GPC5: variants seen among roughly 807,000 people sequenced by gnomAD.
GPC5 encodes glypican-5.
In GPC5, 47 loss-of-function variants were observed where a neutral mutation model predicts 53.9. The observed-to-expected ratio is 0.87, with a 90% CI of 0.69 to 1.11. GPC5 has a LOEUF of 1.11. Ranked by LOEUF, GPC5 falls within the 50% of genes most tolerant of loss-of-function variation. The pLI is 0.00. For missense variants in GPC5, 748 were observed against 713.1 expected, an observed-to-expected ratio of 1.05 and a Z score of -0.56; for synonymous variants, 286 against 263.3, an observed-to-expected ratio of 1.09 and a Z score of -0.84.
chr13:92,824,188 C>T (rs1490695326), intron 7 of GPC5, among the ~76,000 whole-genome samples: 5 of 152,018 alleles, frequency 3.3e-5, no homozygotes, highest in Admixed American at 2.6e-4. Context: ...TCATCTTACA[C>T]CAGTCTACAC....
At chr13:91,977,406 G>A (rs2040313624) in intron 6 of GPC5, among the ~76,000 whole-genome samples, 1 of 152,264 alleles carries the variant, frequency 6.6e-6, no homozygotes, top group Non-Finnish European at 1.5e-5. Flanking sequence ...AGCAATTGAA[G>A]ACACCCTTTT....
chr13:92,244,671 C>A (rs983120385), intron 7 of GPC5, among the ~76,000 whole-genome samples: 2 of 152,132 alleles, frequency 1.3e-5, no homozygotes, highest in African/African-American at 2.4e-5. Context: ...TGCATTTATA[C>A]ATGTAACATT....
intron 2 of GPC5, among the ~76,000 whole-genome samples, chr13:91,624,034 A>G (rs1317793748): frequency 1.3e-5 from 2 of 152,166 alleles, no homozygotes; most frequent in East Asian, 3.9e-4. Context: ...AACGAAGAGC[A>G]AGCAAATGAG....
intron 6 of GPC5, among the ~76,000 whole-genome samples, chr13:92,009,186 T>A (rs1377381739): frequency 6.6e-6 from 1 of 152,070 alleles, no homozygotes. Context: ...TTTCTTCTTC[T>A]TGGCATATAC....
At chr13:92,167,241 T>C (rs946852715) in intron 7 of GPC5, among the ~76,000 whole-genome samples, 2 of 152,146 alleles carry the variant, frequency 1.3e-5, no homozygotes, top group Non-Finnish European at 2.9e-5. Context: ...CTGTAGGCTA[T>C]AGCAAGTTAT....
chr13:92,192,524 C>A (rs866263029), intron 7 of GPC5, among the ~76,000 whole-genome samples: 1 of 151,938 alleles, frequency 6.6e-6, no homozygotes, highest in South Asian at 2.1e-4. Context: ...TTTCACATTT[C>A]TTTCTTCTAA....
intron 6 of GPC5, among the ~76,000 whole-genome samples, chr13:92,037,441 A>G (rs780740730): frequency 6.6e-5 from 10 of 152,142 alleles, no homozygotes; most frequent in Non-Finnish European, 1.5e-4. Context: ...TTTATTTAAC[A>G]TGAACCTTGT....
chr13:91,921,143 G>A (rs2039709857), intron 6 of GPC5, among the ~76,000 whole-genome samples: 1 of 151,636 alleles, frequency 6.6e-6, no homozygotes, highest in Non-Finnish European at 1.5e-5. Context: ...CACTGTGTTG[G>A]CCAGGCTGGT....
intron 1 of GPC5, among the ~76,000 whole-genome samples, chr13:91,432,211 G>GCTGCTGCTGC (rs1231375785): frequency 9.9e-5 from 12 of 121,600 alleles, no homozygotes; most frequent in African/African-American, 3.6e-4. Flanking sequence ...TGCTGTGTGT[G>GCTGCTGCTGC]TGTGTGTGTG....
chr13:91,912,097 A>G (rs2039615379), intron 6 of GPC5, among the ~76,000 whole-genome samples: 1 of 152,220 alleles, frequency 6.6e-6, no homozygotes, highest in Non-Finnish European at 1.5e-5. Flanking sequence ...CACCAGAACT[A>G]TTAATGGAGA....
intron 2 of GPC5, among the ~76,000 whole-genome samples, chr13:91,601,754 C>T (rs917789385): frequency 6.6e-6 from 1 of 152,152 alleles, no homozygotes; most frequent in Non-Finnish European, 1.5e-5. Context: ...AAGCTCAGGG[C>T]TCCCACTGAT....
chr13:92,148,400 T>A (rs1228095177), intron 7 of GPC5, among the ~76,000 whole-genome samples: 2 of 152,092 alleles, frequency 1.3e-5, no homozygotes, highest in African/African-American at 4.8e-5. Context: ...TTTGTCTTCA[T>A]CACCAATGTT....
intron 2 of GPC5, among the ~76,000 whole-genome samples, chr13:91,648,263 G>A (rs747496357): frequency 1.3e-5 from 2 of 152,110 alleles, no homozygotes; most frequent in Non-Finnish European, 2.9e-5. Flanking sequence ...GAGCACATGT[G>A]CAATGTGTTG....
At chr13:92,786,785 C>A (rs1483705894) in intron 7 of GPC5, among the ~76,000 whole-genome samples, 2 of 151,956 alleles carry the variant, frequency 1.3e-5, no homozygotes, top group Admixed American at 1.3e-4. Context: ...CATTAAAGCC[C>A]CGGACCAGAC....
chr13:91,535,783 ACTAGTTAAG>A (rs1362276410), intron 2 of GPC5, among the ~76,000 whole-genome samples: 3 of 152,164 alleles, frequency 2.0e-5, no homozygotes, highest in African/African-American at 7.2e-5. Context: ...CTAGTACTTA[ACTAGTTAAG>A]CAGGAGGGTG....
chr13:92,558,463 T>C (rs1404917602), intron 7 of GPC5, among the ~76,000 whole-genome samples: 2 of 152,092 alleles, frequency 1.3e-5, no homozygotes, highest in Non-Finnish European at 2.9e-5. Flanking sequence ...AAGTATTATA[T>C]GCATTTGTGC....
intron 7 of GPC5, among the ~76,000 whole-genome samples, chr13:92,826,406 C>T (rs1877848893): frequency 6.6e-6 from 1 of 152,082 alleles, no homozygotes. Context: ...GCAAATAACC[C>T]TGAGTCTCAG....
chr13:92,169,199 G>A (rs1336977523), intron 7 of GPC5, among the ~76,000 whole-genome samples: 1 of 152,140 alleles, frequency 6.6e-6, no homozygotes, highest in African/African-American at 2.4e-5. Flanking sequence ...GGCGGGAAGG[G>A]AGAGCATTGG....
chr13:92,493,626 G>A (rs1879850183), intron 7 of GPC5, among the ~76,000 whole-genome samples: 1 of 152,150 alleles, frequency 6.6e-6, no homozygotes, highest in South Asian at 2.1e-4. Context: ...ATATCTTGCC[G>A]TCTTGGTTGT....
Sources: gnomAD v4.1 joint callset for allele counts (sites outside exome capture counted in the v4.1 genomes callset) on GRCh38, gnomAD v4.1.1 for gene constraint, MANE v1.5 for transcripts, NCBI Gene and HGNC (gene_info 2026-07-23, HGNC 2026-07-21) for gene names.